Variants in VAV3 observed in about 807,000 individuals in gnomAD.
VAV3 encodes guanine nucleotide exchange factor VAV3.
A neutral mutation model predicts 131.2 loss-of-function variants in VAV3; 94 were observed. That is an observed-to-expected ratio of 0.72 (90% CI 0.61 to 0.85). The LOEUF is 0.85. Among genes scored for constraint, VAV3 ranks in the 40% least tolerant of loss-of-function variants. The probability of loss-of-function intolerance (pLI) is 0.00; values close to 1 mark genes in which losing one functional copy is unlikely to be tolerated. For missense variants in VAV3, 939 were observed against 1,002.7 expected (o/e 0.94, Z 0.86); for synonymous variants, 349 against 342.0 (o/e 1.02, Z -0.22).
chr1:107,716,368 C>T (rs1229089851), intron 15 of VAV3, among the ~76,000 whole-genome samples: 1 of 152,198 alleles, frequency 6.6e-6, no homozygotes, highest in East Asian at 1.9e-4. Flanking sequence ...TGGCTCACGC[C>T]TGTAATCCCA....
At chr1:107,898,129 C>T (rs147989626) in intron 1 of VAV3, among the ~76,000 whole-genome samples, 142 of 151,238 alleles carry the variant, frequency 9.4e-4, no homozygotes, top group African/African-American at 3.3e-3. Flanking sequence ...CAGATCAAAA[C>T]TCAGCACCTG....
intron 1 of VAV3, among the ~76,000 whole-genome samples, chr1:107,949,285 C>T (rs187014454): frequency 6.6e-6 from 1 of 151,068 alleles, no homozygotes; most frequent in South Asian, 2.1e-4. Flanking sequence ...TACTTATGAA[C>T]AATCTTTTTT....
At chr1:107,779,515 AT>A (rs1410733842) in intron 2 of VAV3, 23 bp from the exon 3 acceptor site, 1 of 1,560,446 alleles carries the variant, frequency 6.4e-7, no homozygotes, top group Non-Finnish European at 8.7e-7. Context: ...GAAAATACTA[AT>A]TAGATATGTA....
Position 107,704,609 on chromosome 1 carries a change from G to C in VAV3, c.1646C>G (p.Ala549Gly). 3 of 1,613,776 alleles carry C rather than the reference G, an allele frequency of 1.9e-6. No individual in the cohort carries two copies. The highest frequency in any genetic ancestry group is 2.5e-6 in the Non-Finnish European group (3 of 1,179,852). The change falls in exon 17 of 27, where the codon GCG (alanine) becomes GGG (glycine). Residue 549 changes from alanine to glycine, a missense_variant. By Grantham distance (60) the Ala-to-Gly change is moderately conservative (BLOSUM62 0). Transcript: ENST00000370056. ...YQGYLCFKCG[A>G]RAHKECLGRV... ...TCCCAAACATTCTTTGTGTGCTCTCGCTCCACACTTAAAACATAAATAGCC... is the reference window on the plus strand; with the variant it reads ...TCCCAAACATTCTTTGTGTGCTCTCCCTCCACACTTAAAACATAAATAGCC...
At chr1:107,846,000 A>T (rs116467287) in intron 2 of VAV3, among the ~76,000 whole-genome samples, 1 of 152,154 alleles carries the variant, frequency 6.6e-6, no homozygotes, top group Non-Finnish European at 1.5e-5. Flanking sequence ...AATAATTATC[A>T]GATCCCCAAG....
intron 17 of VAV3, among the ~76,000 whole-genome samples, chr1:107,690,054 C>A (rs1025533465): frequency 6.6e-6 from 1 of 152,156 alleles, no homozygotes; most frequent in Non-Finnish European, 1.5e-5. Flanking sequence ...TTGAGGAAAG[C>A]TTTCTACACG....
chr1:107,749,149 C>G (rs1663545366), intron 14 of VAV3, 72 bp from the exon 15 acceptor site: 2 of 1,130,880 alleles, frequency 1.8e-6, no homozygotes, highest in Non-Finnish European at 2.5e-6. Context: ...AAGAATACCA[C>G]AACTATCCAA....
At chr1:107,723,291 A>T (rs1309002631) in intron 15 of VAV3, among the ~76,000 whole-genome samples, 1 of 152,126 alleles carries the variant, frequency 6.6e-6, no homozygotes. Flanking sequence ...ATCTGATGTC[A>T]CAGCCTCCCC....
At position 107,759,377 on chromosome 1, in the gene VAV3, A is replaced by G. The variant is rs575753485; in HGVS notation, c.1017+1407T>C. On this transcript the variant is annotated intron_variant, in intron 10 of 26. Transcript: ENST00000370056. The stretch of plus-strand genomic sequence containing the variant: ...AAAAGTCATGTTATTAAAGTTCCCA[A>G]TCACCCACTATAAAATATTCTCACT... Among the ~76,000 whole-genome samples the G allele has an allele frequency of 4.6e-5, 7 of 152,306 alleles. No homozygotes were observed. The East Asian group carries it at 1.2e-3, about 25-fold the overall frequency.
Position 107,866,822 on chromosome 1 carries a change from C to CAAAAAAAAAA in VAV3, c.321+8069_321+8078dup, listed in dbSNP as rs66866060. On this transcript the variant is annotated intron_variant, in intron 2 of 26. Transcript: ENST00000370056. The stretch of plus-strand genomic sequence containing the variant: ...TGGGCAAAAGAGCGAGACTCCATCT[C>CAAAAAAAAAA]AAAAAAAAAAAAAAAAAAAAAAAAA... Among the ~76,000 whole-genome samples, 113 of 59,202 alleles carry CAAAAAAAAAA rather than the reference C, an allele frequency of 1.9e-3. 10 individuals are homozygous for CAAAAAAAAAA. The highest frequency in any genetic ancestry group is 8.8e-3 in the African/African-American group (108 of 12,214). 38.8% of individuals were successfully genotyped at this position (59,202 alleles called of 152,430 possible). A position where few individuals can be genotyped will look rare whatever the true frequency, so the allele number is the denominator to read the frequency against.
intron 25 of VAV3, chr1:107,576,355 C>A (rs1649650049): frequency 2.1e-6 from 3 of 1,454,964 alleles, no homozygotes; most frequent in Non-Finnish European, 2.7e-6. Context: ...CAAGCAGAAG[C>A]AAGTTGAAGA....
At chr1:107,848,792 T>C (rs1669092423) in intron 2 of VAV3, among the ~76,000 whole-genome samples, 1 of 152,144 alleles carries the variant, frequency 6.6e-6, no homozygotes, top group Middle Eastern at 3.2e-3. Flanking sequence ...TTGTCTCTGT[T>C]TGCAGATGAT....
intron 9 of VAV3, among the ~76,000 whole-genome samples, chr1:107,764,832 CAG>C (rs1557831287): frequency 6.6e-6 from 1 of 152,180 alleles, no homozygotes; most frequent in African/African-American, 2.4e-5. Flanking sequence ...ACCTATTTCA[CAG>C]AGTCAGAAGG....
intron 10 of VAV3, among the ~76,000 whole-genome samples, chr1:107,759,492 C>G (rs527579051): frequency 6.6e-6 from 1 of 152,166 alleles, no homozygotes; most frequent in African/African-American, 2.4e-5. Flanking sequence ...AACTGATAAC[C>G]ACATTTGTTC....
In VAV3 at chr1:107,768,423, T is replaced by C. The variant is rs751768439; in HGVS notation, c.717+18A>G. 8 of 1,601,936 alleles carry C rather than the reference T, an allele frequency of 5.0e-6. No homozygotes were observed. The highest frequency in any genetic ancestry group is 6.8e-6 in the Non-Finnish European group (8 of 1,171,584). On this transcript the variant is annotated intron_variant, in intron 7 of 26. Coordinates refer to ENST00000370056, the MANE Select transcript of VAV3 (RefSeq NM_006113.5). ...TATTGAAGTACACCACAATTTTAGC[T>C]AGCATATTTTTACTCACAGGAATGT...
intron 15 of VAV3, among the ~76,000 whole-genome samples, chr1:107,731,007 C>T (rs1407967916): frequency 2.6e-5 from 4 of 152,104 alleles, no homozygotes; most frequent in East Asian, 1.9e-4. Flanking sequence ...AGCTACCTCA[C>T]CAGACTCTTT....
At chr1:107,684,703 T>C (rs1389979269) in intron 18 of VAV3, among the ~76,000 whole-genome samples, 2 of 152,198 alleles carry the variant, frequency 1.3e-5, no homozygotes, top group African/African-American at 2.4e-5. Flanking sequence ...TTGAGCAAGA[T>C]GGATAGCTGC....
intron 19 of VAV3, among the ~76,000 whole-genome samples, chr1:107,660,263 G>GC (rs2101620590): frequency 6.6e-6 from 1 of 152,228 alleles, no homozygotes; most frequent in East Asian, 1.9e-4. Flanking sequence ...AGTACCAGTG[G>GC]CAACAGTGAG....
intron 10 of VAV3, among the ~76,000 whole-genome samples, chr1:107,760,457 T>A (rs904519204): frequency 6.6e-6 from 1 of 152,228 alleles, no homozygotes; most frequent in Admixed American, 6.5e-5. Context: ...CACTGCAATA[T>A]TGAGGTGCTC....
Sources: gnomAD v4.1 joint callset for allele counts (sites outside exome capture counted in the v4.1 genomes callset) on GRCh38, gnomAD v4.1.1 for gene constraint, MANE v1.5 for transcripts, NCBI Gene and HGNC (gene_info 2026-07-23, HGNC 2026-07-21) for gene names.